The following LHPP variants were observed in gnomAD, a reference collection of about 807,000 sequenced individuals.
LHPP encodes the protein hLHPP.
Under a neutral mutation model 30.3 loss-of-function variants are expected in LHPP, and 24 were observed. The ratio of observed to expected loss-of-function variants is 0.79; its 90% CI spans 0.57 to 1.11. The LOEUF is 1.11. LHPP is among the 50% of genes most tolerant of loss of function. The probability of loss-of-function intolerance (pLI) is 0.00; values close to 1 mark genes in which losing one functional copy is unlikely to be tolerated. For missense variants in LHPP, 356 were observed against 367.2 expected, an observed-to-expected ratio of 0.97 and a Z score of 0.25; for synonymous variants, 150 against 157.1, an observed-to-expected ratio of 0.95 and a Z score of 0.34.
chr10:124,541,471 A>AC lies in LHPP; in HGVS notation c.716+24202dup, dbSNP rs1470055588. ...AAGAGCCAGCCTCTGCTAGCCCCAG[A>AC]CCTAACGGAGTTGCGGCTCATGGCC... On this transcript the variant is annotated intron_variant, in intron 6 of 6. Transcript: ENST00000368842. The surrounding 1 kb of genome is among the most constrained non-coding windows in gnomAD (Gnocchi z 4.2). Among the ~76,000 whole-genome samples the AC allele has an allele frequency of 6.6e-6, 1 of 152,026 alleles. No individual in the cohort carries two copies. The highest frequency in any genetic ancestry group is 1.5e-5 in the Non-Finnish European group (1 of 67,996).
intron 6 of LHPP, among the ~76,000 whole-genome samples, chr10:124,519,462 T>C (rs1309370044): frequency 6.6e-6 from 1 of 152,214 alleles, no homozygotes; most frequent in African/African-American, 2.4e-5. Flanking sequence ...TTTCAGTAGT[T>C]TTTGGAGAAC....
At chr10:124,536,540 C>A (rs935386795) in intron 6 of LHPP, among the ~76,000 whole-genome samples, 1 of 152,190 alleles carries the variant, frequency 6.6e-6, no homozygotes, top group African/African-American at 2.4e-5. Context: ...TCCAGGGAGG[C>A]CAAGCTGCTG....
rs1208054888 is a variant in LHPP at position 124,484,296 on chromosome 10, G to A, written c.283G>A (p.Gly95Ser). 1 of 1,613,786 alleles carries A rather than the reference G, an allele frequency of 6.2e-7. No homozygotes were observed. The highest frequency in any genetic ancestry group is 1.3e-5 in the African/African-American group (1 of 74,918). The change falls in exon 2 of 7, where the codon GGC becomes AGC. Residue 95 changes from glycine to serine, a missense_variant. Coordinates refer to ENST00000368842, the MANE Select transcript of LHPP (RefSeq NM_022126.4). ...PAACQILKEQ[G>S]LRPYLLIHDG... is the part of the protein sequence containing the mutation. ...TGCCTGCCAGATCCTGAAGGAGCAA[G>A]GCCTGCGACCATACCTGCTCATCCA...
intron 6 of LHPP, among the ~76,000 whole-genome samples, chr10:124,552,472 C>T (rs909658133): frequency 6.6e-6 from 1 of 152,158 alleles, no homozygotes; most frequent in African/African-American, 2.4e-5. Context: ...ACCTGCCCCT[C>T]CCCCAGACAA....
chr10:124,514,756 A>C (rs1954403451), intron 5 of LHPP, among the ~76,000 whole-genome samples: 1 of 148,946 alleles, frequency 6.7e-6, no homozygotes, highest in South Asian at 2.1e-4. Flanking sequence ...AGTTTCAGTC[A>C]CTATTTCTTC....
chr10:124,465,543 A>G lies in LHPP; in HGVS notation c.125+3556A>G, dbSNP rs532983361. ...GCAAAAACAACGAACAAGCAGCCCA[A>G]TAGCAATATGAGCAAAAGATGCAAA... is the stretch of plus-strand genomic sequence containing the variant. On this transcript the variant is annotated intron_variant, in intron 1 of 6. Transcript: ENST00000368842. Among the ~76,000 whole-genome samples, 3 of 152,374 alleles carry G rather than the reference A, an allele frequency of 2.0e-5. No individual in the cohort carries two copies. In the South Asian group the frequency reaches 6.2e-4, roughly 32 times the overall value.
At chr10:124,528,135 G>C (rs1007323534) in intron 6 of LHPP, among the ~76,000 whole-genome samples, 3 of 152,186 alleles carry the variant, frequency 2.0e-5, no homozygotes, top group Non-Finnish European at 4.4e-5. Context: ...GGCTGAACAG[G>C]GGAGGGTTAA....
Position 124,461,857 on chromosome 10 carries a change from GGC to G in LHPP, c.-3_-2del. The G allele has an allele frequency of 8.0e-7, 1 of 1,245,810 alleles. No individual in the cohort carries two copies. The allele number at this position is 1,245,810 out of a possible 1,614,324, so 77.2% of individuals were successfully genotyped here. The stretch of plus-strand genomic sequence containing the variant: ...GACGCGGAGCTGAGGAGCAGGGCCG[GGC>G]GCCATGGCACCGTGGGGCAAGCGGC... On this transcript the variant is annotated 5_prime_UTR_variant, in exon 1 of 7. Coordinates refer to ENST00000368842, the MANE Select transcript of LHPP (RefSeq NM_022126.4).
intron 5 of LHPP, chr10:124,498,480 G>A: frequency 1.4e-6 from 2 of 1,462,048 alleles, no homozygotes; most frequent in East Asian, 2.5e-5. Context: ...CAACAATATG[G>A]AGGAAATAAT....
At position 124,488,330 on chromosome 10, in the gene LHPP, G is replaced by A. The variant is rs182853239; in HGVS notation, c.314-92G>A. 1.9e-4 allele frequency: 214 copies of A among 1,100,664 alleles called. No individual in the cohort carries two copies. The East Asian group carries it at 4.6e-3, about 24-fold the overall frequency. 68.2% of individuals were successfully genotyped at this position (1,100,664 alleles called of 1,614,324 possible). ...AAGAAATGCATCTGAGAAAGGGGGA[G>A]GACATGTGAAAGGTGTCCCTGGTAG... On this transcript the variant is annotated intron_variant, in intron 2 of 6. Transcript: ENST00000368842.
chr10:124,568,046 G>GCT (rs1948520929), intron 6 of LHPP, among the ~76,000 whole-genome samples: 1 of 152,146 alleles, frequency 6.6e-6, no homozygotes, highest in African/African-American at 2.4e-5. Flanking sequence ...CTTAGTAGGG[G>GCT]GGGACTACAG....
At chr10:124,546,410 T>C (rs896309533) in intron 6 of LHPP, among the ~76,000 whole-genome samples, 1 of 152,160 alleles carries the variant, frequency 6.6e-6, no homozygotes, top group African/African-American at 2.4e-5. Flanking sequence ...TGTTTGTTTG[T>C]TTGTTTTTTT....
rs548888354 is a variant in LHPP, at chr10:124,601,824, C to T, written c.717-11440C>T. Among the ~76,000 whole-genome samples the T allele has an allele frequency of 1.8e-4, 27 of 152,374 alleles. No individual in the cohort carries two copies. In the South Asian group the frequency reaches 2.1e-3, roughly 12 times the overall value. On this transcript the variant is annotated intron_variant, in intron 6 of 6. Coordinates refer to ENST00000368842, the MANE Select transcript of LHPP (RefSeq NM_022126.4). Reference sequence around the variant, plus strand: ...CGCCCTTGCCTCAGGCCTGGCTCCCCGGGTCCTGTTGACCACCAGGCTGCA... The same window carrying T: ...CGCCCTTGCCTCAGGCCTGGCTCCCTGGGTCCTGTTGACCACCAGGCTGCA...
intron 2 of LHPP, among the ~76,000 whole-genome samples, chr10:124,486,040 G>A (rs10794120): frequency 0.44 from 66,382 of 152,044 alleles, 15,172 homozygotes; most frequent in East Asian, 0.61. Flanking sequence ...ATGCAGACAC[G>A]GGTATACTCC....
At chr10:124,602,382 G>A (rs10751598) in intron 6 of LHPP, among the ~76,000 whole-genome samples, 89,597 of 152,176 alleles carry the variant, frequency 0.59, 26,551 homozygotes, top group East Asian at 0.68. Flanking sequence ...TTGTGGTATC[G>A]CTGATGTCCT....
chr10:124,593,313 C>T lies in LHPP; in HGVS notation c.717-19951C>T, dbSNP rs370518575. On this transcript the variant is annotated intron_variant, in intron 6 of 6. Coordinates refer to ENST00000368842, the MANE Select transcript of LHPP (RefSeq NM_022126.4). The surrounding 1 kb of genome is among the most constrained non-coding windows in gnomAD (Gnocchi z 4.9). The stretch of plus-strand genomic sequence containing the variant: ...TCTGCCCAGAACCAGGCTGCGCTCT[C>T]GGGAGGGAAACAGACTCTTATCCTC... 1.6e-4 allele frequency among the ~76,000 whole-genome samples: 24 copies of T among 150,860 alleles called. No individual in the cohort carries two copies. The highest frequency in any genetic ancestry group is 4.8e-4 in the African/African-American group (20 of 41,348).
At position 124,488,547 on chromosome 10, in the gene LHPP, A is replaced by G. The variant is rs771873834; in HGVS notation, c.439A>G (p.Lys147Glu). ...CTTCCAGGTGCTCATGGAGCTGGAAAAACCTGTGCTCATATCACTGGGAAA... is the reference window on the plus strand; with the variant it reads ...CTTCCAGGTGCTCATGGAGCTGGAAGAACCTGTGCTCATATCACTGGGAAA... ...NAFQVLMELEKPVLISLGKGR... is the reference protein window; with the variant it reads ...NAFQVLMELEEPVLISLGKGR... The change falls in exon 3 of 7, where the codon AAA becomes GAA. Residue 147 changes from lysine (K) to glutamate (E), a missense_variant. Coordinates refer to ENST00000368842, the MANE Select transcript of LHPP (RefSeq NM_022126.4). 5 of 1,613,630 alleles carry G rather than the reference A, an allele frequency of 3.1e-6. No individual in the cohort carries two copies. In the African/African-American group the frequency reaches 4.0e-5, roughly 13 times the overall value.
intron 6 of LHPP, among the ~76,000 whole-genome samples, chr10:124,520,902 G>T (rs35405390): frequency 1.4e-4 from 22 of 152,254 alleles, no homozygotes; most frequent in Non-Finnish European, 2.8e-4. Flanking sequence ...AAGAGCTCAT[G>T]AGTATTTTTT....
In LHPP at chr10:124,547,305, CA is replaced by C. The variant is rs527388871; in HGVS notation, c.716+30042del. Reference sequence around the variant, plus strand: ...CCTTTTTTCCCCTTTTCATTACAAACAAAAAAAATTGCTTTCTTAAACTTAT... The same window carrying C: ...CCTTTTTTCCCCTTTTCATTACAAACAAAAAAATTGCTTTCTTAAACTTAT... On this transcript the variant is annotated intron_variant, in intron 6 of 6. Coordinates refer to ENST00000368842, the MANE Select transcript of LHPP (RefSeq NM_022126.4). Among the ~76,000 whole-genome samples, 31 of 151,808 alleles carry C rather than the reference CA, an allele frequency of 2.0e-4. 2 individuals are homozygous for C. In the South Asian group the frequency reaches 4.8e-3, roughly 23 times the overall value.
Sources: gnomAD v4.1 joint callset for allele counts (sites outside exome capture counted in the v4.1 genomes callset) on GRCh38, gnomAD v4.1.1 for gene constraint, Gnocchi (gnomAD v3.1) non-coding constraint, MANE v1.5 for transcripts, NCBI Gene and HGNC (gene_info 2026-07-23, HGNC 2026-07-21) for gene names.